SHISA9: variants seen among roughly 807,000 people sequenced by gnomAD.
SHISA9 encodes the protein shisa family member 9, also known as protein shisa-9.
In SHISA9, 13 loss-of-function variants were observed where a neutral mutation model predicts 38.0. The observed-to-expected ratio is 0.34, with a 90% confidence interval of 0.22 to 0.54. The LOEUF (loss-of-function observed/expected upper bound fraction) is 0.54. Ranked by LOEUF, SHISA9 falls within the 20% of genes least tolerant of loss-of-function variation. The pLI is 0.91. For synonymous variants in SHISA9, 275 were observed against 242.0 expected (o/e 1.14, Z -1.27); for missense variants, 538 against 575.8 (o/e 0.93, Z 0.67).
At chr16:12,939,570 C>A (rs1434789093) in intron 2 of SHISA9, among the ~76,000 whole-genome samples, 2 of 152,018 alleles carry the variant, frequency 1.3e-5, no homozygotes, top group African/African-American at 4.8e-5. Flanking sequence ...TTAAGTCAAC[C>A]CCATGGGAAA....
chr16:12,910,462 C>A (rs1328680097), intron 1 of SHISA9: 1 of 985,352 alleles, frequency 1.0e-6, no homozygotes, highest in South Asian at 4.7e-5. Flanking sequence ...AGGTAACACA[C>A]AAGGAAATGT....
chr16:13,115,418 A>G (rs2074022205), intron 2 of SHISA9, among the ~76,000 whole-genome samples: 1 of 152,248 alleles, frequency 6.6e-6, no homozygotes, highest in African/African-American at 2.4e-5. Context: ...AAGGGAAACG[A>G]AGGGATGGGC....
intron 2 of SHISA9, among the ~76,000 whole-genome samples, chr16:13,114,268 C>A (rs2074007805): frequency 1.3e-5 from 2 of 151,882 alleles, no homozygotes; most frequent in South Asian, 4.2e-4. Flanking sequence ...AGATCGAGAC[C>A]ATCCTGGCTA....
the SHISA9 span, among the ~76,000 whole-genome samples, chr16:13,463,472 G>T: frequency 1.3e-5 from 2 of 152,182 alleles, no homozygotes; most frequent in South Asian, 4.1e-4. Context: ...CTGAAGAGTT[G>T]CTCGGGAGCT....
chr16:13,399,645 A>G, the SHISA9 span, among the ~76,000 whole-genome samples: 1 of 152,162 alleles, frequency 6.6e-6, no homozygotes, highest in Non-Finnish European at 1.5e-5. Context: ...CATTGGGCAC[A>G]GGAAGCTCCT....
chr16:13,461,864 C>T, the SHISA9 span, among the ~76,000 whole-genome samples: 10 of 151,890 alleles, frequency 6.6e-5, no homozygotes, highest in Non-Finnish European at 1.0e-4. Context: ...CCGCCCACCT[C>T]GGCCTCCCAA....
chr16:13,211,202 C>T lies in SHISA9; in HGVS notation c.848-2051C>T, dbSNP rs1218245822. Reference sequence around the variant, plus strand: ...ACCTCACCTACTTGGGAGGCTGAGGCAGGAGAATCACTTGAACCCGGGGGG... The same window carrying T: ...ACCTCACCTACTTGGGAGGCTGAGGTAGGAGAATCACTTGAACCCGGGGGG... On this transcript the variant is annotated intron_variant, in intron 3 of 4. Coordinates refer to ENST00000558583, the MANE Select transcript of SHISA9 (RefSeq NM_001145204.3). Among the ~76,000 whole-genome samples, 3 of 151,704 alleles carry T rather than the reference C, an allele frequency of 2.0e-5. No individual in the cohort carries two copies. The East Asian group carries it at 5.8e-4, about 29-fold the overall frequency.
At chr16:13,066,223 T>A (rs143552508) in intron 2 of SHISA9, among the ~76,000 whole-genome samples, 17 of 152,338 alleles carry the variant, frequency 1.1e-4, no homozygotes, top group African/African-American at 4.1e-4. Context: ...AGTGGAAATA[T>A]CTCTTTCCTT....
chr16:13,055,239 A>G (rs2073296977), intron 2 of SHISA9, among the ~76,000 whole-genome samples: 5 of 152,224 alleles, frequency 3.3e-5, no homozygotes, highest in Admixed American at 2.6e-4. Flanking sequence ...CAGAGAAAGT[A>G]AGTGATTTTC....
chr16:12,909,263 T>C (rs1238843873), intron 1 of SHISA9: 1 of 984,636 alleles, frequency 1.0e-6, no homozygotes, highest in East Asian at 1.1e-4. Flanking sequence ...ATTGTAAGTG[T>C]GTAGTTTGAT....
chr16:13,228,984 A>T (rs184844799), intron 4 of SHISA9, among the ~76,000 whole-genome samples: 1 of 152,192 alleles, frequency 6.6e-6, no homozygotes, highest in Non-Finnish European at 1.5e-5. Context: ...AACATGGAAA[A>T]ACGCTTCTCT....
chr16:12,929,769 C>T (rs963428328), intron 2 of SHISA9, among the ~76,000 whole-genome samples: 5 of 151,946 alleles, frequency 3.3e-5, no homozygotes, highest in Non-Finnish European at 5.9e-5. Context: ...CCCTGCACAT[C>T]CTGCACACGT....
Position 12,916,515 on chromosome 16 carries a change from C to G in SHISA9, c.564-173C>G, listed in dbSNP as rs571800527. On this transcript the variant is annotated intron_variant, in intron 1 of 4. Transcript: ENST00000558583. ...CCTGCGTAAAGTCCCTATGTAACCT[C>G]TAATTACAGTGATTTTATTTACTTA... is the stretch of plus-strand genomic sequence containing the variant. Among the ~76,000 whole-genome samples, 5 of 152,292 alleles carry G rather than the reference C, an allele frequency of 3.3e-5. No individual in the cohort carries two copies. In the South Asian group the frequency reaches 8.3e-4, roughly 25 times the overall value.
intron 2 of SHISA9, among the ~76,000 whole-genome samples, chr16:12,941,397 A>T (rs539358932): frequency 2.0e-5 from 3 of 152,176 alleles, no homozygotes; most frequent in Admixed American, 2.0e-4. Flanking sequence ...GATACATAAT[A>T]GTTGCATATA....
the SHISA9 span, among the ~76,000 whole-genome samples, chr16:13,266,154 C>A: frequency 6.6e-6 from 1 of 152,130 alleles, no homozygotes; most frequent in East Asian, 1.9e-4. Context: ...TAAAGGAAAG[C>A]AGGAGTCTCC....
intron 2 of SHISA9, among the ~76,000 whole-genome samples, chr16:13,167,743 T>C (rs943056410): frequency 6.6e-6 from 1 of 152,142 alleles, no homozygotes; most frequent in Admixed American, 6.5e-5. Flanking sequence ...TCCGCCATGA[T>C]TGTTATTTTC....
downstream of SHISA9, among the ~76,000 whole-genome samples, chr16:13,245,224 C>T (rs67525003): frequency 0.13 from 19,969 of 152,208 alleles, 1,876 homozygotes; most frequent in East Asian, 0.28. Flanking sequence ...GCCTTATTGC[C>T]CACATTTATA....
intron 2 of SHISA9, among the ~76,000 whole-genome samples, chr16:13,098,846 T>A (rs1238108069): frequency 6.6e-6 from 1 of 152,270 alleles, no homozygotes. Context: ...TCTTCCTAGA[T>A]CTGCGGTCTT....
intron 1 of SHISA9, among the ~76,000 whole-genome samples, chr16:12,903,949 T>C (rs1053292771): frequency 6.6e-6 from 1 of 152,014 alleles, no homozygotes; most frequent in African/African-American, 2.4e-5. Context: ...AGATTTTTTT[T>C]TTTCCCCCAG....
Sources: allele counts gnomAD v4.1 joint callset (sites outside exome capture counted in the v4.1 genomes callset), GRCh38; gene constraint gnomAD v4.1.1; transcripts MANE v1.5; gene names NCBI Gene and HGNC (gene_info 2026-07-23, HGNC 2026-07-21).